MTCH1: variants seen among roughly 807,000 people sequenced by gnomAD.
The protein encoded by MTCH1 is mitochondrial carrier 1.
In MTCH1, 23 loss-of-function variants were observed where a neutral mutation model predicts 49.3. The observed-to-expected ratio is 0.47, with a 90% confidence interval of 0.34 to 0.66. The LOEUF is 0.66. Among genes scored for constraint, MTCH1 ranks in the 30% least tolerant of loss-of-function variants. The probability of loss-of-function intolerance (pLI) is 0.01; values close to 1 mark genes in which losing one functional copy is unlikely to be tolerated. For missense variants in MTCH1, 397 were observed against 532.1 expected (o/e 0.75, Z 2.50); for synonymous variants, 229 against 215.2 (o/e 1.06, Z -0.56).
chr6:36,985,155 C>G (rs750721713), intron 1 of MTCH1, among the ~76,000 whole-genome samples: 1 of 151,670 alleles, frequency 6.6e-6, no homozygotes, highest in Non-Finnish European at 1.5e-5. Flanking sequence ...CCCCCATCTC[C>G]GGTAAACCGA....
At chr6:36,980,208 A>AT (rs1764037213) in intron 2 of MTCH1, among the ~76,000 whole-genome samples, 1 of 152,232 alleles carries the variant, frequency 6.6e-6, no homozygotes, top group East Asian at 1.9e-4. Context: ...GGCTGGGGGC[A>AT]CACCTGAGAA....
chr6:36,984,206 G>GTCCCACCAGT (rs11280615), intron 1 of MTCH1, among the ~76,000 whole-genome samples: 74,533 of 151,568 alleles, frequency 0.49, 18,705 homozygotes, highest in Admixed American at 0.61. Flanking sequence ...CACTTCTCAG[G>GTCCCACCAGT]TCCAAAGCAC....
rs1764144121 is a variant in MTCH1 at position 36,982,687 on chromosome 6, C to T, written c.322-1015G>A. On this transcript the variant is annotated intron_variant, in intron 1 of 11. Coordinates refer to ENST00000373627, the MANE Select transcript of MTCH1 (RefSeq NM_001271641.2). The surrounding 1 kb of genome is among the most constrained non-coding windows in gnomAD (Gnocchi z 4.1). ...TACAGGCATGAGCCACTGCGCCCAG[C>T]CTGAAATATTTATTAAACCCGCGGG... is the stretch of plus-strand genomic sequence containing the variant. Among the ~76,000 whole-genome samples, 1 of 152,220 alleles carries T rather than the reference C, an allele frequency of 6.6e-6. No individual in the cohort carries two copies. Among genetic ancestry groups the T allele is most frequent in the Non-Finnish European group, 1.5e-5 (1 of 68,036 alleles).
chr6:36,971,930 T>C (rs1298132629), intron 8 of MTCH1, among the ~76,000 whole-genome samples: 3 of 152,198 alleles, frequency 2.0e-5, no homozygotes, highest in Non-Finnish European at 4.4e-5. Flanking sequence ...GGTACCTGGA[T>C]GGCCTTCCTC....
Position 36,982,694 on chromosome 6 carries a change from T to C in MTCH1, c.322-1022A>G, listed in dbSNP as rs764513379. ...ATGAGCCACTGCGCCCAGCCTGAAA[T>C]ATTTATTAAACCCGCGGGTGGGTGA... is the stretch of plus-strand genomic sequence containing the variant. On this transcript the variant is annotated intron_variant, in intron 1 of 11. Transcript: ENST00000373627. The surrounding 1 kb of genome is among the most constrained non-coding windows in gnomAD (Gnocchi z 4.1). 6.6e-6 allele frequency among the ~76,000 whole-genome samples: 1 copy of C among 152,086 alleles called. No homozygotes were observed. The highest frequency in any genetic ancestry group is 2.1e-4 in the South Asian group (1 of 4,826).
Position 36,985,973 on chromosome 6 carries a change from G to T in MTCH1, c.201C>A (p.Gly67=), listed in dbSNP as rs1244677023. The T allele has an allele frequency of 3.9e-6, 6 of 1,547,506 alleles. No homozygotes were observed. The highest frequency in any genetic ancestry group is 5.2e-6 in the Non-Finnish European group (6 of 1,146,358). ...CCCCAGACCCCAGGCCCCCTGACCC[G>T]CCATCCATCCTGCGGGCCGAGGGCT... ...AAQPSARRMD[G]GSGGLGSGDN... Residue 67 remains glycine (G), a synonymous_variant, in exon 1 of 12, where the codon GGC becomes GGA. Transcript: ENST00000373627.
At position 36,986,174 on chromosome 6, in the gene MTCH1, G is replaced by A; in HGVS notation, c.-1C>T. 1.4e-6 allele frequency: 2 copies of A among 1,425,898 alleles called. No homozygotes were observed. The highest frequency in any genetic ancestry group is 1.5e-5 in the African/African-American group (1 of 65,934). 88.3% of individuals were successfully genotyped at this position (1,425,898 alleles called of 1,614,324 possible). On this transcript the variant is annotated 5_prime_UTR_variant, in exon 1 of 12. Coordinates refer to ENST00000373627, the MANE Select transcript of MTCH1 (RefSeq NM_001271641.2). Reference sequence around the variant, plus strand: ...CCACTTCCGGGTCCGAAGCTCCCATGGCGCCCGGCGGCGAGGTCACTCCCC... The same window carrying A: ...CCACTTCCGGGTCCGAAGCTCCCATAGCGCCCGGCGGCGAGGTCACTCCCC...
In MTCH1 at chr6:36,981,689, G is replaced by A. The variant is rs776679376; in HGVS notation, c.322-17C>T. On this transcript the variant is annotated splice_polypyrimidine_tract_variant and intron_variant, in intron 1 of 11. Coordinates refer to ENST00000373627, the MANE Select transcript of MTCH1 (RefSeq NM_001271641.2). The stretch of plus-strand genomic sequence containing the variant: ...ATGACCCACCTTCAGAATTAACAAA[G>A]ACAAAGGGACGCTCAGAGTCTCGTG... 2 of 1,606,408 alleles carry A rather than the reference G, an allele frequency of 1.2e-6. No homozygotes were observed. The highest frequency in any genetic ancestry group is 2.2e-5 in the South Asian group (2 of 90,276).
rs112409111 is a variant in MTCH1 at position 36,980,904 on chromosome 6, C to T, written c.406+684G>A. 4.3e-3 allele frequency among the ~76,000 whole-genome samples: 659 copies of T among 152,312 alleles called. 8 individuals carry two copies. Among genetic ancestry groups the T allele is most frequent in the Non-Finnish European group, 4.9e-3 (332 of 68,012 alleles). ...CGGCACCTGTGGGCCAGGTGATGGG[C>T]AGCAGAGGCAGCAAGGTGGGCTTCT... On this transcript the variant is annotated intron_variant, in intron 2 of 11. Coordinates refer to ENST00000373627, the MANE Select transcript of MTCH1 (RefSeq NM_001271641.2).
chr6:36,976,539 G>C, intron 6 of MTCH1: 2 of 471,122 alleles, frequency 4.2e-6, no homozygotes, highest in Non-Finnish European at 8.8e-6. Context: ...TCCCATTAAT[G>C]ACCCCAAAAT....
rs749821809 is a variant in MTCH1 at position 36,977,252 on chromosome 6, TG to T, written c.650-3del. 13 of 1,613,648 alleles carry T rather than the reference TG, an allele frequency of 8.1e-6. No homozygotes were observed. The Admixed American group carries it at 2.2e-4, about 27-fold the overall frequency. ...GGACCATGCAGCGCATTGAGATGAC[TG>T]AGGAAAAAAAAGAAAACACACACAG... On this transcript the variant is annotated splice_region_variant and splice_polypyrimidine_tract_variant and intron_variant, in intron 5 of 11. Transcript: ENST00000373627. This position sits in a 1 kb window ranked among gnomAD's most constrained non-coding sequence, Gnocchi z 5.4.
chr6:36,981,518 C>A, intron 2 of MTCH1, 70 bp downstream of exon 2: 2 of 1,456,664 alleles, frequency 1.4e-6, no homozygotes, highest in South Asian at 1.2e-5. Flanking sequence ...CCGGGGCCAG[C>A]TGGTCCTGCT....
chr6:36,978,120 G>A lies in MTCH1; in HGVS notation c.549C>T (p.Asn183=), dbSNP rs746314958. The A allele has an allele frequency of 3.7e-6, 6 of 1,613,914 alleles. No homozygotes were observed. Among genetic ancestry groups the A allele is most frequent in the Non-Finnish European group, 5.1e-6 (6 of 1,179,770 alleles). Residue 183 remains asparagine (N), a synonymous_variant, in exon 4 of 12, where the codon AAC becomes AAT. Coordinates refer to ENST00000373627, the MANE Select transcript of MTCH1 (RefSeq NM_001271641.2). The stretch of plus-strand genomic sequence containing the variant: ...TCAGGGAAGTCTTCATATCATCCTT[G>A]TTGGAAACCTGCTCAATCTCATCTG... ...FPPDEIEQVS[N]KDDMKTSLKK... is the part of the protein sequence containing the mutation.
In MTCH1 at chr6:36,969,724, G is replaced by C. The variant is rs566263979; in HGVS notation, c.1098+315C>G. On this transcript the variant is annotated intron_variant, in intron 11 of 11. Coordinates refer to ENST00000373627, the MANE Select transcript of MTCH1 (RefSeq NM_001271641.2). ...GCCCATGTTACTTGAAGGAGAAGCA[G>C]TTCTTGGGCTTTACCACCTGCCACC... The C allele has an allele frequency of 4.3e-4, 538 of 1,251,244 alleles. 8 individuals are homozygous for C. Among genetic ancestry groups the C allele is most frequent in the Middle Eastern group, 6.8e-4 (2 of 2,944 alleles). The allele number at this position is 1,251,244 out of a possible 1,614,324, so 77.5% of individuals were successfully genotyped here.
chr6:36,974,122 TTACACA>T (rs1290115522), intron 7 of MTCH1, among the ~76,000 whole-genome samples: 11 of 152,242 alleles, frequency 7.2e-5, no homozygotes, highest in Non-Finnish European at 1.6e-4. Flanking sequence ...GTATAAATAC[TTACACA>T]TACATATATG....
chr6:36,986,177 G>A lies in MTCH1; in HGVS notation c.-4C>T. On this transcript the variant is annotated 5_prime_UTR_variant, in exon 1 of 12. Coordinates refer to ENST00000373627, the MANE Select transcript of MTCH1 (RefSeq NM_001271641.2). Reference sequence around the variant, plus strand: ...CTTCCGGGTCCGAAGCTCCCATGGCGCCCGGCGGCGAGGTCACTCCCCGTC... The same window carrying A: ...CTTCCGGGTCCGAAGCTCCCATGGCACCCGGCGGCGAGGTCACTCCCCGTC... The A allele has an allele frequency of 1.4e-6, 2 of 1,425,370 alleles. No individual in the cohort carries two copies. The highest frequency in any genetic ancestry group is 1.8e-6 in the Non-Finnish European group (2 of 1,098,304). 88.3% of individuals were successfully genotyped at this position (1,425,370 alleles called of 1,614,324 possible). A position where few individuals can be genotyped will look rare whatever the true frequency, so the allele number is the denominator to read the frequency against.
At chr6:36,980,510 C>T (rs1343808356) in intron 2 of MTCH1, among the ~76,000 whole-genome samples, 1 of 152,212 alleles carries the variant, frequency 6.6e-6, no homozygotes, top group African/African-American at 2.4e-5. Context: ...AAAAACAACA[C>T]AAACACATTT....
chr6:36,978,230 G>A (rs974786363), intron 3 of MTCH1, 75 bp from the exon 4 acceptor site: 6 of 1,317,694 alleles, frequency 4.6e-6, no homozygotes, highest in Non-Finnish European at 6.6e-6. Flanking sequence ...TGGGCGGCAG[G>A]AACCAGCTCC....
intron 11 of MTCH1, chr6:36,969,197 G>A: frequency 1.0e-6 from 1 of 985,418 alleles, no homozygotes; most frequent in Non-Finnish European, 1.2e-6. Flanking sequence ...CTACTCTGTA[G>A]GAGAGCCCTA....
Sources: gnomAD v4.1 joint callset for allele counts (sites outside exome capture counted in the v4.1 genomes callset) on GRCh38, gnomAD v4.1.1 for gene constraint, Gnocchi (gnomAD v3.1) non-coding constraint, MANE v1.5 for transcripts, NCBI Gene and HGNC (gene_info 2026-07-23, HGNC 2026-07-21) for gene names.